CNNM2: variants seen among roughly 807,000 people sequenced by gnomAD.
CNNM2 encodes the protein cyclin and CBS domain divalent metal cation transport mediator 2.
In CNNM2, 12 loss-of-function variants were observed where a neutral mutation model predicts 66.9. The ratio of observed to expected loss-of-function variants is 0.18; its 90% CI spans 0.11 to 0.29. CNNM2 has a LOEUF of 0.29. Ranked by LOEUF, CNNM2 falls within the 10% of genes least tolerant of loss-of-function variation. The pLI is 1.00. For synonymous variants in CNNM2, 557 were observed against 501.8 expected (o/e 1.11, Z -1.47); for missense variants, 705 against 1,167.7 (o/e 0.60, Z 5.77).
At chr10:102,995,855 T>TC (rs931046922) in intron 1 of CNNM2, among the ~76,000 whole-genome samples, 6 of 151,872 alleles carry the variant, frequency 4.0e-5, no homozygotes, top group African/African-American at 1.4e-4. Context: ...CATGCACCAC[T>TC]CCCCCCAGCT....
intron 1 of CNNM2, among the ~76,000 whole-genome samples, chr10:102,991,681 T>A (rs577404228): frequency 6.6e-6 from 1 of 152,314 alleles, no homozygotes; most frequent in East Asian, 1.9e-4. Context: ...TACAGAGCAT[T>A]TTTCAAGGAA....
intron 1 of CNNM2, among the ~76,000 whole-genome samples, chr10:103,043,251 T>C (rs1011506471): frequency 6.6e-6 from 1 of 152,326 alleles, no homozygotes; most frequent in African/African-American, 2.4e-5. Context: ...TGTGCTTGCA[T>C]TATTGGGTCT....
intron 1 of CNNM2, among the ~76,000 whole-genome samples, chr10:102,986,442 A>G (rs1483116570): frequency 2.0e-5 from 3 of 152,174 alleles, no homozygotes; most frequent in Non-Finnish European, 4.4e-5. Context: ...TAGGGAAGTT[A>G]GTTTCAGCTT....
intron 1 of CNNM2, among the ~76,000 whole-genome samples, chr10:102,967,848 A>G (rs1337292789): frequency 6.6e-6 from 1 of 152,214 alleles, no homozygotes; most frequent in Non-Finnish European, 1.5e-5. Context: ...GTCTCTACTA[A>G]AAATACAAAG....
chr10:102,939,685 T>TA (rs1846357323), intron 1 of CNNM2, among the ~76,000 whole-genome samples: 2 of 152,148 alleles, frequency 1.3e-5, no homozygotes. Context: ...AGCATCATAA[T>TA]AAAGAACTGG....
At position 103,077,022 on chromosome 10, in the gene CNNM2, A is replaced by T. The variant is rs773267460; in HGVS notation, c.2470A>T (p.Thr824Ser). The part of the protein sequence containing the change: ...NALMASRMDK[T>S]PQSSDSENTK... ...CTTGATGGCATCCCGGATGGACAAA[A>T]CCCCCCAGTCTTCAGACAGTGAAAA... The change falls in exon 8 of 8, where the codon ACC (threonine) becomes TCC (serine). Residue 824 changes from threonine to serine, a missense_variant. Transcript: ENST00000369878. 6.2e-7 allele frequency: 1 copy of T among 1,613,622 alleles called. No individual in the cohort carries two copies. Among genetic ancestry groups the T allele is most frequent in the South Asian group, 1.1e-5 (1 of 91,072 alleles).
At chr10:102,940,458 A>G (rs71471261) in intron 1 of CNNM2, among the ~76,000 whole-genome samples, 1 of 151,960 alleles carries the variant, frequency 6.6e-6, no homozygotes, top group Non-Finnish European at 1.5e-5. Flanking sequence ...TCACTCTGTC[A>G]CCCAGGCTGG....
At chr10:103,043,635 G>A (rs1398971691) in intron 1 of CNNM2, among the ~76,000 whole-genome samples, 1 of 152,210 alleles carries the variant, frequency 6.6e-6, no homozygotes, top group Non-Finnish European at 1.5e-5. Flanking sequence ...TGGAGCAGTG[G>A]AAGCAGGCAG....
At position 103,079,227 on chromosome 10, in the gene CNNM2, A is replaced by C. The variant is rs925979669; in HGVS notation, c.*2047A>C. The C allele has an allele frequency of 6.6e-6, 1 of 152,282 alleles. No individual in the cohort carries two copies. Among genetic ancestry groups the C allele is most frequent in the Non-Finnish European group, 1.5e-5 (1 of 68,068 alleles). The allele number at this position is 152,282 out of a possible 1,614,324, so 9.4% of individuals were successfully genotyped here. Reference sequence around the variant, plus strand: ...AGCACAACACCAGTGTGATGAGTGTATAAAGATGAGGGGTCCTTGCAACAA... The same window carrying C: ...AGCACAACACCAGTGTGATGAGTGTCTAAAGATGAGGGGTCCTTGCAACAA... On this transcript the variant is annotated 3_prime_UTR_variant, in exon 8 of 8. Transcript: ENST00000369878.
intron 1 of CNNM2, among the ~76,000 whole-genome samples, chr10:102,950,612 G>A (rs1846789283): frequency 6.6e-6 from 1 of 151,812 alleles, no homozygotes; most frequent in African/African-American, 2.4e-5. Context: ...AAATTAGCCG[G>A]GTGTGGTGAT....
intron 1 of CNNM2, among the ~76,000 whole-genome samples, chr10:103,038,554 G>A (rs2064983389): frequency 6.6e-6 from 1 of 152,194 alleles, no homozygotes; most frequent in Admixed American, 6.5e-5. Flanking sequence ...TCAGGGTCCT[G>A]TCCAGGAGAG....
At chr10:102,960,229 C>G in intron 1 of CNNM2, among the ~76,000 whole-genome samples, 1 of 152,158 alleles carries the variant, frequency 6.6e-6, no homozygotes. Flanking sequence ...TCTATTTGCA[C>G]TTTATTGAAA....
chr10:103,068,325 G>A (rs749919110), intron 4 of CNNM2: 74 of 275,144 alleles, frequency 2.7e-4, no homozygotes, highest in Non-Finnish European at 4.3e-4. Flanking sequence ...AACCAGCCTA[G>A]GTAACATAAG....
In CNNM2 at chr10:102,958,459, G is replaced by GTTTTTTTTTT. The variant is rs33992570; in HGVS notation, c.1621+38379_1621+38388dup. On this transcript the variant is annotated intron_variant, in intron 1 of 7. Coordinates refer to ENST00000369878, the MANE Select transcript of CNNM2 (RefSeq NM_017649.5). ...GACTTGTTCTGAATTCAAGCAACTT[G>GTTTTTTTTTT]TTTTTTTTTTTTTTTTTTTTTTTTT... 9.7e-5 allele frequency among the ~76,000 whole-genome samples: 5 copies of GTTTTTTTTTT among 51,702 alleles called. 1 individual carries two copies. Among genetic ancestry groups the GTTTTTTTTTT allele is most frequent in the African/African-American group, 2.2e-4 (3 of 13,336 alleles). 33.9% of individuals were successfully genotyped at this position (51,702 alleles called of 152,430 possible). A position where few individuals can be genotyped will look rare whatever the true frequency, so the allele number is the denominator to read the frequency against.
At chr10:102,988,348 G>A (rs1377042533) in intron 1 of CNNM2, among the ~76,000 whole-genome samples, 1 of 152,028 alleles carries the variant, frequency 6.6e-6, no homozygotes, top group Admixed American at 6.6e-5. Flanking sequence ...CAAAGATAGG[G>A]TCTCAAGACC....
In CNNM2 at chr10:103,022,622, T is replaced by C. The variant is rs186921940; in HGVS notation, c.1622-27085T>C. ...TTCCAGAGAGCTGGCTGTTAAACTT[T>C]TATCATCACACCACCTTCTGGGTCC... On this transcript the variant is annotated intron_variant, in intron 1 of 7. Transcript: ENST00000369878. Among the ~76,000 whole-genome samples, 3 of 152,360 alleles carry C rather than the reference T, an allele frequency of 2.0e-5. No homozygotes were observed. The East Asian group carries it at 5.8e-4, about 29-fold the overall frequency.
intron 1 of CNNM2, among the ~76,000 whole-genome samples, chr10:102,967,139 A>G (rs1465028467): frequency 6.6e-6 from 1 of 152,038 alleles, no homozygotes; most frequent in African/African-American, 2.4e-5. Context: ...TCTTTTAGAG[A>G]TAGGGGTCTT....
At chr10:103,009,284 C>T (rs180941966) in intron 1 of CNNM2, among the ~76,000 whole-genome samples, 9 of 151,658 alleles carry the variant, frequency 5.9e-5, no homozygotes, top group East Asian at 5.8e-4. Context: ...TCAAAAAAAA[C>T]GGAAAACACA....
chr10:103,066,738 C>A (rs1231232093), intron 4 of CNNM2, among the ~76,000 whole-genome samples: 1 of 152,202 alleles, frequency 6.6e-6, no homozygotes, highest in Non-Finnish European at 1.5e-5. Flanking sequence ...TTTCCTCATG[C>A]TGAGCTCTTG....
Sources: allele counts gnomAD v4.1 joint callset (sites outside exome capture counted in the v4.1 genomes callset), GRCh38; gene constraint gnomAD v4.1.1; transcripts MANE v1.5; gene names NCBI Gene and HGNC (gene_info 2026-07-23, HGNC 2026-07-21).